Variants in IL1RAPL2 observed in about 807,000 individuals in gnomAD.
IL1RAPL2 encodes the protein interleukin 1 receptor accessory protein like 2.
A neutral mutation model predicts 44.1 loss-of-function variants in IL1RAPL2; 3 were observed. The observed-to-expected ratio is 0.07, with a 90% CI of 0.03 to 0.18. The LOEUF is 0.18. IL1RAPL2 is among the 10% of genes least tolerant of loss of function. The pLI is 1.00. For synonymous variants in IL1RAPL2, 181 were observed against 178.8 expected (o/e 1.01, Z -0.10); for missense variants, 391 against 496.4 (o/e 0.79, Z 2.02).
At chrX:104,981,054 ATTGTGT>A (rs2030426954) in intron 2 of IL1RAPL2, among the ~76,000 whole-genome samples, 1 of 70,267 alleles carries the variant, frequency 1.4e-5, no homozygotes, top group Non-Finnish European at 2.5e-5. Flanking sequence ...ATTCCAAGGT[ATTGTGT>A]GTGTGTGTGT....
At chrX:104,941,346 A>G (rs1019749225) in intron 2 of IL1RAPL2, among the ~76,000 whole-genome samples, 21 of 111,185 alleles carry the variant, frequency 1.9e-4, no homozygotes, top group Admixed American at 1.6e-3. Flanking sequence ...CTATTTCTCC[A>G]CATCCTCTCC....
At chrX:104,646,331 CAAA>C (rs572432274) in intron 1 of IL1RAPL2, among the ~76,000 whole-genome samples, 9 of 68,972 alleles carry the variant, frequency 1.3e-4, no homozygotes, top group Non-Finnish European at 9.4e-5. Flanking sequence ...GCTGGGGATG[CAAA>C]AAAAAAAAAA....
At chrX:105,723,290 CTG>C (rs1479991852) in intron 7 of IL1RAPL2, among the ~76,000 whole-genome samples, 3 of 111,572 alleles carry the variant, frequency 2.7e-5, no homozygotes, top group African/African-American at 9.8e-5. Flanking sequence ...TCATGTAAGT[CTG>C]AGCCCACATA....
At chrX:105,602,798 G>GA (rs550412686) in intron 6 of IL1RAPL2, among the ~76,000 whole-genome samples, 5,349 of 84,986 alleles carry the variant, frequency 0.063, 160 homozygotes, top group Non-Finnish European at 0.099. Context: ...AGTACCAAAA[G>GA]AAAAAAAAAA....
At chrX:105,012,959 G>T (rs1471648754) in intron 2 of IL1RAPL2, among the ~76,000 whole-genome samples, 1 of 110,571 alleles carries the variant, frequency 9.0e-6, no homozygotes, top group East Asian at 2.9e-4. Flanking sequence ...GATGGCCGTT[G>T]AGCAGGGTTT....
At chrX:105,242,076 G>T (rs782774091) in intron 4 of IL1RAPL2, among the ~76,000 whole-genome samples, 8 of 111,902 alleles carry the variant, frequency 7.1e-5, no homozygotes, top group South Asian at 3.7e-4. Flanking sequence ...TGCAGGTAAA[G>T]TCCAACTCTT....
intron 2 of IL1RAPL2, among the ~76,000 whole-genome samples, chrX:104,693,831 A>C (rs1277128039): frequency 5.4e-5 from 6 of 111,694 alleles, no homozygotes; most frequent in African/African-American, 1.9e-4. Context: ...TTTGTAATTC[A>C]GCTCCCCCAA....
chrX:105,345,025 T>C (rs2147701574), intron 5 of IL1RAPL2, among the ~76,000 whole-genome samples: 1 of 111,740 alleles, frequency 8.9e-6, no homozygotes, highest in African/African-American at 3.2e-5. Context: ...CATTGCAAAA[T>C]TGGATATCTT....
chrX:105,092,517 C>A (rs2147555387), intron 2 of IL1RAPL2, among the ~76,000 whole-genome samples: 1 of 110,938 alleles, frequency 9.0e-6, no homozygotes, highest in African/African-American at 3.3e-5. Context: ...CTTACATGAG[C>A]CTTGTTGTTC....
chrX:105,492,786 T>C (rs935822981), intron 6 of IL1RAPL2, among the ~76,000 whole-genome samples: 1 of 110,764 alleles, frequency 9.0e-6, no homozygotes, highest in Non-Finnish European at 1.9e-5. Context: ...ATTAGTCATA[T>C]ACCGTACAAT....
intron 2 of IL1RAPL2, among the ~76,000 whole-genome samples, chrX:104,977,301 T>C (rs1334536299): frequency 3.6e-5 from 4 of 112,152 alleles, no homozygotes; most frequent in Non-Finnish European, 5.6e-5. Context: ...TTCAAGGTGG[T>C]ACTACTGTGG....
chrX:105,430,198 G>T (rs147733116), intron 5 of IL1RAPL2, among the ~76,000 whole-genome samples: 1,398 of 111,695 alleles, frequency 0.013, 12 homozygotes, highest in South Asian at 0.037. Context: ...GGAAGATTGA[G>T]CAAGCTCTTT....
chrX:105,040,433 T>A (rs2031709980), intron 2 of IL1RAPL2, among the ~76,000 whole-genome samples: 2 of 111,587 alleles, frequency 1.8e-5, no homozygotes, highest in African/African-American at 6.5e-5. Context: ...TTTCTATTGA[T>A]TGGAATAGTT....
At chrX:104,599,701 C>A (rs751041221) in intron 1 of IL1RAPL2, among the ~76,000 whole-genome samples, 1 of 103,985 alleles carries the variant, frequency 9.6e-6, no homozygotes, top group Non-Finnish European at 2.0e-5. Context: ...CACACGTAAT[C>A]ATTTAAAAAG....
intron 2 of IL1RAPL2, among the ~76,000 whole-genome samples, chrX:105,008,104 T>C (rs1306623899): frequency 1.8e-5 from 2 of 111,716 alleles, no homozygotes; most frequent in African/African-American, 6.5e-5. Flanking sequence ...CTCACAGTTA[T>C]GGAGGCTGGG....
chrX:104,661,556 C>T (rs920482210), intron 2 of IL1RAPL2, among the ~76,000 whole-genome samples: 1 of 111,049 alleles, frequency 9.0e-6, no homozygotes, highest in Non-Finnish European at 1.9e-5. Flanking sequence ...TCAACTCTAC[C>T]TTTCTGTTTA....
At chrX:105,124,104 A>G (rs1470269167) in intron 2 of IL1RAPL2, among the ~76,000 whole-genome samples, 1 of 111,490 alleles carries the variant, frequency 9.0e-6, no homozygotes, top group Admixed American at 9.5e-5. Flanking sequence ...AAATTGGCTT[A>G]TAACAGTCCT....
chrX:104,985,754 A>G (rs1307659047), intron 2 of IL1RAPL2, among the ~76,000 whole-genome samples: 1 of 112,057 alleles, frequency 8.9e-6, no homozygotes, highest in Non-Finnish European at 1.9e-5. Context: ...TTCCCCTTAA[A>G]AAACGTTTCT....
At chrX:105,694,468 G>A (rs2038061071) in intron 6 of IL1RAPL2, among the ~76,000 whole-genome samples, 1 of 111,979 alleles carries the variant, frequency 8.9e-6, no homozygotes, top group Admixed American at 9.5e-5. Flanking sequence ...AACCTGTGAA[G>A]TTAAGTAAAC....
Sources: gnomAD v4.1 joint callset for allele counts (sites outside exome capture counted in the v4.1 genomes callset) on GRCh38, gnomAD v4.1.1 for gene constraint, MANE v1.5 for transcripts, NCBI Gene and HGNC (gene_info 2026-07-23, HGNC 2026-07-21) for gene names.